Variants in CLNK observed in about 807,000 individuals in gnomAD.
The protein encoded by CLNK is cytokine dependent hematopoietic cell linker.
CLNK carries 74 observed loss-of-function variants against 68.6 expected under a neutral mutation model. The observed-to-expected ratio is 1.08, with a 90% CI of 0.89 to 1.31. The LOEUF is 1.31. Among genes scored for constraint, CLNK ranks in the 50% most tolerant of loss-of-function variants. The pLI, the probability that CLNK is intolerant of heterozygous loss-of-function variation, is 0.00. For synonymous variants in CLNK, 198 were observed against 172.2 expected (o/e 1.15, Z -1.17); for missense variants, 553 against 515.3 (o/e 1.07, Z -0.71).
chr4:10,677,279 G>A (rs1411073075), intron 1 of CLNK, among the ~76,000 whole-genome samples: 2 of 152,080 alleles, frequency 1.3e-5, no homozygotes, highest in African/African-American at 2.4e-5. Context: ...AAGGCTAATG[G>A]CAAAAACACT....
rs1467678980 is a variant in CLNK at position 10,497,697 on chromosome 4, CA to C, written c.1140+3558del. ...AAAGTGGGGCATGTTGGAAAAAAAGCAGTAACTATCTCAGGTCTCAGTTTCC... is the reference window on the plus strand; with the variant it reads ...AAAGTGGGGCATGTTGGAAAAAAAGCGTAACTATCTCAGGTCTCAGTTTCC... On this transcript the variant is annotated intron_variant, in intron 18 of 18. Coordinates refer to ENST00000226951, the MANE Select transcript of CLNK (RefSeq NM_052964.4). 2.0e-5 allele frequency among the ~76,000 whole-genome samples: 3 copies of C among 152,308 alleles called. No individual in the cohort carries two copies. In the South Asian group the frequency reaches 6.2e-4, roughly 32 times the overall value.
intron 7 of CLNK, among the ~76,000 whole-genome samples, chr4:10,559,516 A>G (rs1456748725): frequency 1.3e-5 from 2 of 151,978 alleles, no homozygotes; most frequent in Non-Finnish European, 2.9e-5. Flanking sequence ...TCATCTTTTA[A>G]TCTTCCCTGT....
rs1577122447 is a variant in CLNK at position 10,549,642 on chromosome 4, T to C, written c.446-7362A>G. ...TGAATTGATGCACTTCAAGGCATGGTTCTTAATGCACAGCTGCAGTTACTA... is the reference window on the plus strand; with the variant it reads ...TGAATTGATGCACTTCAAGGCATGGCTCTTAATGCACAGCTGCAGTTACTA... On this transcript the variant is annotated intron_variant, in intron 8 of 18. Coordinates refer to ENST00000226951, the MANE Select transcript of CLNK (RefSeq NM_052964.4). 3.9e-5 allele frequency among the ~76,000 whole-genome samples: 6 copies of C among 152,320 alleles called. No homozygotes were observed. The East Asian group carries it at 9.6e-4, about 24-fold the overall frequency.
At chr4:10,726,503 C>T in the CLNK span, among the ~76,000 whole-genome samples, 2 of 152,086 alleles carry the variant, frequency 1.3e-5, no homozygotes, top group East Asian at 1.9e-4. Context: ...CTCCAGTATG[C>T]CCTCATCTTA....
At chr4:10,722,076 A>C in the CLNK span, among the ~76,000 whole-genome samples, 1 of 152,162 alleles carries the variant, frequency 6.6e-6, no homozygotes, top group African/African-American at 2.4e-5. Flanking sequence ...CGGGAGGCTG[A>C]AGTGGGAGGA....
chr4:10,649,694 A>G (rs1723652247), intron 2 of CLNK, among the ~76,000 whole-genome samples: 4 of 152,258 alleles, frequency 2.6e-5, no homozygotes, highest in Admixed American at 2.0e-4. Flanking sequence ...ACAAATATGC[A>G]TGGGATTCCA....
intron 8 of CLNK, among the ~76,000 whole-genome samples, chr4:10,556,907 CT>C (rs1719693861): frequency 6.6e-6 from 1 of 151,822 alleles, no homozygotes; most frequent in Non-Finnish European, 1.5e-5. Context: ...GAAACCCCGT[CT>C]CTACTAAAAA....
intron 1 of CLNK, among the ~76,000 whole-genome samples, chr4:10,673,954 T>C (rs1724766675): frequency 6.6e-6 from 1 of 152,158 alleles, no homozygotes. Flanking sequence ...TCACTTTCTG[T>C]AGCAATTATT....
chr4:10,530,634 A>G (rs2286463), intron 12 of CLNK, among the ~76,000 whole-genome samples: 41,972 of 151,838 alleles, frequency 0.28, 5,816 homozygotes, highest in South Asian at 0.31. Flanking sequence ...CCATCTCCCA[A>G]TTCTTTTTTG....
intron 2 of CLNK, among the ~76,000 whole-genome samples, chr4:10,600,675 C>T (rs1293599789): frequency 6.6e-6 from 1 of 152,142 alleles, no homozygotes; most frequent in Non-Finnish European, 1.5e-5. Context: ...AAATAGATAC[C>T]TAGATGCAAA....
chr4:10,512,280 G>C (rs538341500), intron 16 of CLNK, among the ~76,000 whole-genome samples: 1 of 152,002 alleles, frequency 6.6e-6, no homozygotes, highest in East Asian at 1.9e-4. Flanking sequence ...GCCCAGGCTG[G>C]AGTGCAGTAG....
intron 3 of CLNK, among the ~76,000 whole-genome samples, chr4:10,586,993 G>A (rs958675774): frequency 1.3e-5 from 2 of 149,356 alleles, no homozygotes; most frequent in Admixed American, 6.7e-5. Flanking sequence ...GTCTCACTCT[G>A]TTGCCCAGGC....
intron 2 of CLNK, among the ~76,000 whole-genome samples, chr4:10,627,915 C>G (rs1017170480): frequency 1.3e-5 from 2 of 152,174 alleles, no homozygotes; most frequent in Non-Finnish European, 1.5e-5. Flanking sequence ...ACACTTCTTC[C>G]CCCTTCTGTC....
chr4:10,631,967 G>T (rs191389404), intron 2 of CLNK, among the ~76,000 whole-genome samples: 286 of 152,278 alleles, frequency 1.9e-3, no homozygotes, highest in African/African-American at 6.5e-3. Flanking sequence ...GAAGGCTCAA[G>T]GTGCGCATTA....
At chr4:10,703,472 G>A in the CLNK span, among the ~76,000 whole-genome samples, 2 of 152,188 alleles carry the variant, frequency 1.3e-5, no homozygotes, top group African/African-American at 4.8e-5. Flanking sequence ...TGGGTTTCTT[G>A]TCTCAAAGCC....
intron 2 of CLNK, among the ~76,000 whole-genome samples, chr4:10,666,073 G>A (rs773214368): frequency 1.3e-5 from 2 of 152,194 alleles, no homozygotes; most frequent in Non-Finnish European, 2.9e-5. Flanking sequence ...TGAAATGGAG[G>A]CAGAGAGGAG....
At chr4:10,569,337 T>C (rs1034256145) in intron 5 of CLNK, among the ~76,000 whole-genome samples, 1 of 151,902 alleles carries the variant, frequency 6.6e-6, no homozygotes, top group Admixed American at 6.6e-5. Context: ...CAGAGAGTTC[T>C]CTCTCTCTCT....
chr4:10,597,549 T>C (rs1251838232), intron 3 of CLNK, among the ~76,000 whole-genome samples: 1 of 152,208 alleles, frequency 6.6e-6, no homozygotes, highest in Non-Finnish European at 1.5e-5. Context: ...TTATTCTCAA[T>C]TGAAGGACAA....
intron 10 of CLNK, among the ~76,000 whole-genome samples, 167 bp from the exon 11 acceptor site, chr4:10,540,771 T>C (rs561733318): frequency 6.6e-6 from 1 of 152,292 alleles, no homozygotes; most frequent in South Asian, 2.1e-4. Flanking sequence ...CACTGTTTTC[T>C]AAAGGGCGTG....
Sources: allele counts gnomAD v4.1 joint callset (sites outside exome capture counted in the v4.1 genomes callset), GRCh38; gene constraint gnomAD v4.1.1; transcripts MANE v1.5; gene names NCBI Gene and HGNC (gene_info 2026-07-23, HGNC 2026-07-21).